The following ZNF236 variants were observed in gnomAD, a reference collection of about 807,000 sequenced individuals.
ZNF236 encodes regulated by glucose.
A neutral mutation model predicts 191.2 loss-of-function variants in ZNF236; 50 were observed. The observed-to-expected ratio is 0.26, with a 90% CI of 0.21 to 0.33. ZNF236 has a LOEUF of 0.33. Among genes scored for constraint, ZNF236 ranks in the 10% least tolerant of loss-of-function variants. ZNF236 has a pLI of 1.00. For missense variants in ZNF236, 1,754 were observed against 2,374.5 expected, an observed-to-expected ratio of 0.74 and a Z score of 5.43; for synonymous variants, 907 against 928.8, an observed-to-expected ratio of 0.98 and a Z score of 0.43.
intron 9 of ZNF236, among the ~76,000 whole-genome samples, chr18:76,889,246 A>C (rs546496140): frequency 6.6e-6 from 1 of 152,252 alleles, no homozygotes; most frequent in Middle Eastern, 3.4e-3. Context: ...GAAGTTTCTG[A>C]GCCTCCTCCT....
At chr18:76,929,137 GAAAGAAA>G (rs997677129) in intron 25 of ZNF236, among the ~76,000 whole-genome samples, 8 of 150,878 alleles carry the variant, frequency 5.3e-5, no homozygotes, top group African/African-American at 1.7e-4. Context: ...TTTCAGAACT[GAAAGAAA>G]AGGTATTCAT....
chr18:76,953,095 G>A (rs1968447274), intron 27 of ZNF236, among the ~76,000 whole-genome samples: 1 of 152,194 alleles, frequency 6.6e-6, no homozygotes, highest in African/African-American at 2.4e-5. Context: ...CTGACAAGAT[G>A]TGTACTCACA....
At chr18:76,861,423 T>C (rs1001080277) in intron 3 of ZNF236, among the ~76,000 whole-genome samples, 1 of 152,196 alleles carries the variant, frequency 6.6e-6, no homozygotes, top group Admixed American at 6.5e-5. Context: ...GGGTAGAACG[T>C]AGTCATCAGG....
chr18:76,828,755 C>T (rs760511941), intron 1 of ZNF236, among the ~76,000 whole-genome samples: 70 of 152,298 alleles, frequency 4.6e-4, no homozygotes, highest in Admixed American at 1.3e-3. Context: ...CAACCTCCGC[C>T]TTCTGGGTTC....
chr18:76,828,698 G>T (rs1295590252), intron 1 of ZNF236, among the ~76,000 whole-genome samples: 1 of 152,096 alleles, frequency 6.6e-6, no homozygotes, highest in African/African-American at 2.4e-5. Flanking sequence ...ACGGAGTCTC[G>T]CTCTGTTGCC....
In ZNF236 at chr18:76,848,119, G is replaced by T. The variant is rs535996596; in HGVS notation, c.56-1407G>T. On this transcript the variant is annotated intron_variant, in intron 1 of 30. Coordinates refer to ENST00000320610, the MANE Select transcript of ZNF236 (RefSeq NM_001306089.2). The stretch of plus-strand genomic sequence containing the variant: ...TGGAATCTCCAGGTCCTTGCTACAA[G>T]GCAGATTCAACTTTCAGCCAGGAGA... Among the ~76,000 whole-genome samples the T allele has an allele frequency of 4.7e-4, 72 of 152,294 alleles. No individual in the cohort carries two copies. In the South Asian group the frequency reaches 7.5e-3, roughly 16 times the overall value.
At chr18:76,955,747 G>T (rs1968507794) in intron 27 of ZNF236, among the ~76,000 whole-genome samples, 1 of 152,184 alleles carries the variant, frequency 6.6e-6, no homozygotes, top group African/African-American at 2.4e-5. Context: ...TGCGGCGCCA[G>T]AGCTCATTCC....
chr18:76,964,279 G>A lies in ZNF236; in HGVS notation c.5419+3424G>A, dbSNP rs549676711. Among the ~76,000 whole-genome samples, 7 of 152,184 alleles carry A rather than the reference G, an allele frequency of 4.6e-5. No homozygotes were observed. In the South Asian group the frequency reaches 1.2e-3, roughly 27 times the overall value. On this transcript the variant is annotated intron_variant, in intron 30 of 30. Coordinates refer to ENST00000320610, the MANE Select transcript of ZNF236 (RefSeq NM_001306089.2). ...TTATGTCACTATGGTTGTTCAGTTC[G>A]AATAATTTTTTAATTTCTATCTTGA...
At chr18:76,825,102 G>A (rs1974979418) in intron 1 of ZNF236, among the ~76,000 whole-genome samples, 1 of 152,196 alleles carries the variant, frequency 6.6e-6, no homozygotes. Flanking sequence ...AGTCTTTTGT[G>A]TTCCTTGATG....
At chr18:76,888,609 A>G (rs1490182260) in intron 9 of ZNF236, 1 of 152,674 alleles carries the variant, frequency 6.5e-6, no homozygotes, top group Non-Finnish European at 1.5e-5. Flanking sequence ...CGTCTGGGCT[A>G]GAACTTCTGT....
chr18:76,852,164 T>A (rs1436884615), intron 3 of ZNF236, among the ~76,000 whole-genome samples: 1 of 152,196 alleles, frequency 6.6e-6, no homozygotes, highest in Non-Finnish European at 1.5e-5. Flanking sequence ...TGTAGTATAT[T>A]TGAAGGATCA....
At chr18:76,887,332 AC>A (rs1353035456) in intron 9 of ZNF236, 2 of 152,228 alleles carry the variant, frequency 1.3e-5, no homozygotes, top group Non-Finnish European at 2.9e-5. Flanking sequence ...AGATCACACT[AC>A]TGCACTCCAG....
At chr18:76,932,531 G>T (rs1967885126) in intron 25 of ZNF236, among the ~76,000 whole-genome samples, 1 of 152,218 alleles carries the variant, frequency 6.6e-6, no homozygotes, top group South Asian at 2.1e-4. Flanking sequence ...CATGGTTCAT[G>T]TTGCAATGTG....
chr18:76,929,039 C>T (rs1298808031), intron 25 of ZNF236, among the ~76,000 whole-genome samples: 1 of 147,936 alleles, frequency 6.8e-6, no homozygotes, highest in Middle Eastern at 3.2e-3. Context: ...CCCTGAAACA[C>T]ACCTGTGGAG....
chr18:76,836,516 C>G (rs777522633), intron 1 of ZNF236, among the ~76,000 whole-genome samples: 1 of 151,856 alleles, frequency 6.6e-6, no homozygotes, highest in Non-Finnish European at 1.5e-5. Context: ...ATGCCTGGCC[C>G]TTTTCTCCTT....
In ZNF236 at chr18:76,919,887, G is replaced by A. The variant is rs781453402; in HGVS notation, c.3386G>A (p.Arg1129Gln). 22 of 1,614,070 alleles carry A rather than the reference G, an allele frequency of 1.4e-5. No homozygotes were observed. Among genetic ancestry groups the A allele is most frequent in the Middle Eastern group, 1.6e-4 (1 of 6,084 alleles). ...GAGACAGCCCAGTTAGCCAAGATCC[G>A]GCCGCAGGAGAGCGCCACGGTGTCA... ...EEETAQLAKI[R>Q]PQESATVSEK... Residue 1129 changes from arginine (R) to glutamine (Q), a missense_variant, in exon 20 of 31, where the codon CGG becomes CAG. Physicochemically the swap from Arg to Gln is conservative, Grantham distance 43. This residue lies in a region of ZNF236 where 641 missense variants were observed against 869.6 expected (regional missense o/e 0.74). Coordinates refer to ENST00000320610, the MANE Select transcript of ZNF236 (RefSeq NM_001306089.2). The surrounding 1 kb of genome is among the most constrained non-coding windows in gnomAD (Gnocchi z 5.3).
intron 30 of ZNF236, among the ~76,000 whole-genome samples, chr18:76,967,097 T>C (rs2974268): frequency 8.5e-5 from 7 of 82,398 alleles, no homozygotes; most frequent in East Asian, 8.1e-4. Context: ...GTGATGTGAT[T>C]CGTGAGATGT....
chr18:76,901,067 TG>T (rs1374646263), intron 11 of ZNF236, among the ~76,000 whole-genome samples: 1 of 152,214 alleles, frequency 6.6e-6, no homozygotes, highest in Non-Finnish European at 1.5e-5. Flanking sequence ...CTTACTCACC[TG>T]CTATTCGCCT....
chr18:76,825,940 G>C (rs897375128), intron 1 of ZNF236, among the ~76,000 whole-genome samples: 3 of 152,162 alleles, frequency 2.0e-5, no homozygotes, highest in African/African-American at 7.2e-5. Flanking sequence ...GTATCAAGGG[G>C]TCCTGAAACC....
Sources: gnomAD v4.1 joint callset for allele counts (sites outside exome capture counted in the v4.1 genomes callset) on GRCh38, gnomAD v4.1.1 for gene constraint, gnomAD v4.1.1 regional missense constraint, Gnocchi (gnomAD v3.1) non-coding constraint, MANE v1.5 for transcripts, NCBI Gene and HGNC (gene_info 2026-07-23, HGNC 2026-07-21) for gene names.